Variants in LRRTM4 observed in about 807,000 individuals in gnomAD.
LRRTM4 encodes the protein leucine-rich repeat transmembrane neuronal protein 4.
In LRRTM4, 25 loss-of-function variants were observed where a neutral mutation model predicts 47.6. The observed-to-expected ratio is 0.53, with a 90% CI of 0.38 to 0.73. The LOEUF (loss-of-function observed/expected upper bound fraction) is 0.73, where lower values mean the gene tolerates loss of function less well. Ranked by LOEUF, LRRTM4 falls within the 30% of genes least tolerant of loss-of-function variation. The pLI is 0.00. For missense variants in LRRTM4, 638 were observed against 713.4 expected (o/e 0.89, Z 1.20); for synonymous variants, 311 against 269.5 (o/e 1.15, Z -1.51).
intron 3 of LRRTM4, among the ~76,000 whole-genome samples, chr2:76,816,819 G>GTATTTT (rs1647442961): frequency 2.1e-5 from 2 of 96,570 alleles, no homozygotes; most frequent in Non-Finnish European, 5.0e-5. Context: ...GAGGTAAAGA[G>GTATTTT]TTTTTTTTTT....
intron 3 of LRRTM4, among the ~76,000 whole-genome samples, chr2:77,047,591 CTGTG>C (rs773033621): frequency 3.9e-5 from 6 of 152,050 alleles, no homozygotes; most frequent in Admixed American, 1.3e-4. Context: ...GATGTTCTCC[CTGTG>C]TGTGTGTTTC....
intron 3 of LRRTM4, among the ~76,000 whole-genome samples, chr2:76,974,148 A>T (rs1003058782): frequency 7.4e-6 from 1 of 135,574 alleles, no homozygotes; most frequent in African/African-American, 3.0e-5. Context: ...ATACATATAT[A>T]TACATACATA....
At chr2:76,858,767 T>C (rs935219143) in intron 3 of LRRTM4, among the ~76,000 whole-genome samples, 8 of 152,198 alleles carry the variant, frequency 5.3e-5, no homozygotes, top group African/African-American at 1.9e-4. Context: ...TCACCTTAAA[T>C]ATTTTATTGT....
intron 3 of LRRTM4, among the ~76,000 whole-genome samples, chr2:76,958,249 C>T (rs1373057017): frequency 6.6e-6 from 1 of 151,740 alleles, no homozygotes; most frequent in Non-Finnish European, 1.5e-5. Context: ...ACAATCTTTC[C>T]CAGGAATCCA....
chr2:77,089,617 G>C (rs1428460217), intron 3 of LRRTM4, among the ~76,000 whole-genome samples: 1 of 151,664 alleles, frequency 6.6e-6, no homozygotes, highest in Non-Finnish European at 1.5e-5. Context: ...TTTTCTCTAG[G>C]CTTGCTTCCT....
chr2:77,205,004 G>T (rs919481662), intron 3 of LRRTM4, among the ~76,000 whole-genome samples: 5 of 152,186 alleles, frequency 3.3e-5, no homozygotes, highest in Non-Finnish European at 5.9e-5. Flanking sequence ...CTATTATACA[G>T]TTACAGAATT....
At chr2:76,852,757 C>T (rs897136539) in intron 3 of LRRTM4, among the ~76,000 whole-genome samples, 5 of 152,074 alleles carry the variant, frequency 3.3e-5, no homozygotes, top group Admixed American at 6.5e-5. Context: ...TACAAACACT[C>T]GAAACAAATA....
intron 3 of LRRTM4, among the ~76,000 whole-genome samples, chr2:76,774,518 T>A (rs4274622): frequency 0.24 from 37,150 of 151,998 alleles, 5,041 homozygotes; most frequent in African/African-American, 0.36. Context: ...TAAGAAAATT[T>A]AAAAAAGACA....
intron 3 of LRRTM4, among the ~76,000 whole-genome samples, chr2:77,498,648 A>AGAT (rs3084779): frequency 0.045 from 6,905 of 151,790 alleles, 333 homozygotes; most frequent in Admixed American, 0.16. Flanking sequence ...AGACCCTGTG[A>AGAT]GATAGTGTAT....
chr2:77,399,550 C>A (rs1673855709), intron 3 of LRRTM4, among the ~76,000 whole-genome samples: 1 of 151,768 alleles, frequency 6.6e-6, no homozygotes, highest in Non-Finnish European at 1.5e-5. Context: ...ACCTATTGTA[C>A]AATATGGTGA....
intron 3 of LRRTM4, among the ~76,000 whole-genome samples, chr2:76,975,291 G>A (rs1676380653): frequency 6.6e-6 from 1 of 151,714 alleles, no homozygotes; most frequent in East Asian, 1.9e-4. Flanking sequence ...CCTAATAGCT[G>A]TAATAGCTAG....
At chr2:76,822,155 C>A (rs542156847) in intron 3 of LRRTM4, among the ~76,000 whole-genome samples, 1 of 151,526 alleles carries the variant, frequency 6.6e-6, no homozygotes, top group South Asian at 2.1e-4. Flanking sequence ...AAATCCATTT[C>A]TTTTTTGAAC....
chr2:77,197,909 CA>C (rs1166862273), intron 3 of LRRTM4, among the ~76,000 whole-genome samples: 13 of 152,110 alleles, frequency 8.5e-5, no homozygotes, highest in Non-Finnish European at 1.3e-4. Flanking sequence ...TTATATCAAC[CA>C]GGGGAAAAAC....
At chr2:77,189,751 T>TTA (rs1261258919) in intron 3 of LRRTM4, among the ~76,000 whole-genome samples, 2 of 149,874 alleles carry the variant, frequency 1.3e-5, no homozygotes, top group African/African-American at 5.1e-5. Context: ...TATATATACT[T>TTA]TATATGTATA....
intron 3 of LRRTM4, among the ~76,000 whole-genome samples, chr2:77,437,718 G>A (rs1323394912): frequency 1.3e-5 from 2 of 152,068 alleles, no homozygotes; most frequent in Non-Finnish European, 2.9e-5. Flanking sequence ...TGACTATCTA[G>A]TTTAGGGTTT....
chr2:77,073,660 A>T (rs984631455), intron 3 of LRRTM4, among the ~76,000 whole-genome samples: 1 of 152,142 alleles, frequency 6.6e-6, no homozygotes, highest in South Asian at 2.1e-4. Flanking sequence ...TACATTGAAA[A>T]ATATGGGTAT....
intron 3 of LRRTM4, among the ~76,000 whole-genome samples, chr2:76,965,810 A>T (rs1676006023): frequency 6.6e-6 from 1 of 151,460 alleles, no homozygotes; most frequent in Non-Finnish European, 1.5e-5. Flanking sequence ...CATAAGTTAT[A>T]TGTGCTCATT....
chr2:77,105,794 GA>G (rs1671079589), intron 3 of LRRTM4, among the ~76,000 whole-genome samples: 1 of 152,132 alleles, frequency 6.6e-6, no homozygotes, highest in Admixed American at 6.5e-5. Context: ...TGCCTGTTTT[GA>G]AAATTCTTTA....
At chr2:76,844,894 A>T (rs1429188817) in intron 3 of LRRTM4, among the ~76,000 whole-genome samples, 1 of 152,164 alleles carries the variant, frequency 6.6e-6, no homozygotes, top group African/African-American at 2.4e-5. Context: ...TGAGAAATGA[A>T]AAAAGGATTA....
Sources: gnomAD v4.1 joint callset for allele counts (sites outside exome capture counted in the v4.1 genomes callset) on GRCh38, gnomAD v4.1.1 for gene constraint, MANE v1.5 for transcripts, NCBI Gene and HGNC (gene_info 2026-07-23, HGNC 2026-07-21) for gene names.